Variants in RNF13 observed in about 807,000 individuals in gnomAD.
The protein encoded by RNF13 is ring finger protein 13.
In RNF13, 19 loss-of-function variants were observed where a neutral mutation model predicts 37.7. That is an observed-to-expected ratio of 0.50 (90% CI 0.35 to 0.74). RNF13 has a LOEUF of 0.74. Ranked by LOEUF, RNF13 falls within the 30% of genes least tolerant of loss-of-function variation. The pLI, the probability that RNF13 is intolerant of heterozygous loss-of-function variation, is 0.01. For synonymous variants in RNF13, 144 were observed against 157.8 expected (o/e 0.91, Z 0.65); for missense variants, 375 against 453.0 (o/e 0.83, Z 1.56).
intron 8 of RNF13, among the ~76,000 whole-genome samples, chr3:149,933,739 A>T (rs1719406667): frequency 6.6e-6 from 1 of 151,796 alleles, no homozygotes; most frequent in Non-Finnish European, 1.5e-5. Flanking sequence ...ACCCACGACC[A>T]CGCCTGGCTA....
In RNF13 at chr3:149,930,979, C is replaced by T. The variant is rs146631318; in HGVS notation, c.700+9752C>T. Among the ~76,000 whole-genome samples the T allele has an allele frequency of 4.5e-3, 689 of 152,006 alleles. 6 individuals carry two copies. The highest frequency in any genetic ancestry group is 0.016 in the African/African-American group (656 of 41,464). On this transcript the variant is annotated intron_variant, in intron 8 of 9. Coordinates refer to ENST00000392894, the MANE Select transcript of RNF13 (RefSeq NM_183381.3). ...TTTCTTGGTTCACCTAGCTAGATAT[C>T]GATTTCATTTATCTTTTCAAAGAAC...
At chr3:149,813,036 G>A (rs908069843), upstream of RNF13, 1 of 152,342 alleles carries the variant, frequency 6.6e-6, no homozygotes, top group African/African-American at 2.4e-5. Context: ...AGGGAAGACG[G>A]ATCACGCGGC....
At chr3:149,815,923 G>A (rs1332181147) in intron 1 of RNF13, among the ~76,000 whole-genome samples, 1 of 151,726 alleles carries the variant, frequency 6.6e-6, no homozygotes, top group East Asian at 1.9e-4. Flanking sequence ...TTTTTTTTGG[G>A]ACAGGGTCTT....
At chr3:149,868,701 A>C (rs2108434775) in intron 3 of RNF13, among the ~76,000 whole-genome samples, 1 of 151,006 alleles carries the variant, frequency 6.6e-6, no homozygotes, top group East Asian at 1.9e-4. Context: ...TTTTTCAATG[A>C]AAAGTCTGTT....
At chr3:149,932,358 A>G (rs1008523795) in intron 8 of RNF13, among the ~76,000 whole-genome samples, 21 of 152,132 alleles carry the variant, frequency 1.4e-4, no homozygotes, top group Non-Finnish European at 5.9e-5. Flanking sequence ...CTTGCGTAGT[A>G]CAATACAATC....
At chr3:149,892,013 GATTTA>G (rs1464475420) in intron 4 of RNF13, among the ~76,000 whole-genome samples, 3 of 152,056 alleles carry the variant, frequency 2.0e-5, no homozygotes, top group South Asian at 4.1e-4. Flanking sequence ...TGTGTTCTTT[GATTTA>G]ATTTCATTTC....
At chr3:149,905,989 C>A (rs148799496) in intron 6 of RNF13, among the ~76,000 whole-genome samples, 1 of 152,250 alleles carries the variant, frequency 6.6e-6, no homozygotes, top group East Asian at 1.9e-4. Context: ...TTCCTATTCC[C>A]CAGTCCTTCT....
intron 6 of RNF13, among the ~76,000 whole-genome samples, chr3:149,907,562 G>T (rs950208349): frequency 1.3e-5 from 2 of 152,192 alleles, no homozygotes; most frequent in Non-Finnish European, 2.9e-5. Context: ...TGGAGTAAGA[G>T]CTGTGTGGAT....
In RNF13 at chr3:149,911,980, G is replaced by T. The variant is rs1717039887; in HGVS notation, c.503G>T (p.Gly168Val). ...TATTGATTTTTGTTTTCTTCTAGGGGCCACCTTATCTTAGTTCCAGAATTT... is the reference window on the plus strand; with the variant it reads ...TATTGATTTTTGTTTTCTTCTAGGGTCCACCTTATCTTAGTTCCAGAATTT... ...LKDEFTYEKG[G>V]HLILVPEFSL... The change falls in exon 7 of 10, where the codon GGC becomes GTC. Residue 168 changes from glycine to valine, a missense_variant and splice_region_variant. Coordinates refer to ENST00000392894, the MANE Select transcript of RNF13 (RefSeq NM_183381.3). 4 of 1,520,386 alleles carry T rather than the reference G, an allele frequency of 2.6e-6. No homozygotes were observed. Among genetic ancestry groups the T allele is most frequent in the Non-Finnish European group, 3.6e-6 (4 of 1,098,850 alleles). The allele number at this position is 1,520,386 out of a possible 1,614,324, so 94.2% of individuals were successfully genotyped here.
At chr3:149,822,377 A>G (rs1720070277) in intron 1 of RNF13, 1 of 152,060 alleles carries the variant, frequency 6.6e-6, no homozygotes, top group Non-Finnish European at 1.5e-5. Context: ...TATTGTATTC[A>G]TTTGGATACT....
At chr3:149,905,256 A>G (rs1487033706) in intron 6 of RNF13, among the ~76,000 whole-genome samples, 1 of 152,188 alleles carries the variant, frequency 6.6e-6, no homozygotes, top group East Asian at 1.9e-4. Context: ...AGTTGTTGTC[A>G]GATTTGCTTA....
intron 6 of RNF13, among the ~76,000 whole-genome samples, chr3:149,903,755 A>G (rs1716088535): frequency 6.6e-6 from 1 of 152,200 alleles, no homozygotes; most frequent in Non-Finnish European, 1.5e-5. Context: ...CCCATAATCA[A>G]ACAAATTAAT....
intron 4 of RNF13, among the ~76,000 whole-genome samples, chr3:149,888,056 A>G (rs761633883): frequency 6.6e-6 from 1 of 152,224 alleles, no homozygotes; most frequent in African/African-American, 2.4e-5. Flanking sequence ...GTGAGTAAGC[A>G]CTTAAAATAC....
chr3:149,931,370 C>T (rs1221776292), intron 8 of RNF13, among the ~76,000 whole-genome samples: 2 of 152,070 alleles, frequency 1.3e-5, no homozygotes, highest in African/African-American at 4.8e-5. Context: ...GCCTGATTTT[C>T]TGCTTTTACT....
chr3:149,901,211 C>G (rs185747461), intron 5 of RNF13, among the ~76,000 whole-genome samples: 503 of 152,162 alleles, frequency 3.3e-3, no homozygotes, highest in Admixed American at 5.8e-3. Flanking sequence ...TGCCTCCCCC[C>G]CTTTTAAATG....
At position 149,892,079 on chromosome 3, in the gene RNF13, C is replaced by T. The variant is rs565099800; in HGVS notation, c.322-3394C>T. On this transcript the variant is annotated intron_variant, in intron 4 of 9. Transcript: ENST00000392894. ...ACAACAAAAACCTTGGGAAAGCCTT[C>T]ATACTTGCTACATTTTTGAAAACAT... Among the ~76,000 whole-genome samples the T allele has an allele frequency of 6.6e-5, 10 of 152,268 alleles. No individual in the cohort carries two copies. The South Asian group carries it at 2.1e-3, about 31-fold the overall frequency.
intron 4 of RNF13, among the ~76,000 whole-genome samples, chr3:149,884,932 G>A (rs542275781): frequency 2.0e-5 from 3 of 151,588 alleles, no homozygotes; most frequent in South Asian, 4.2e-4. Context: ...ATCTCCATGA[G>A]TTCAATTGTT....
chr3:149,893,586 A>G (rs1366576346), intron 4 of RNF13, among the ~76,000 whole-genome samples: 1 of 152,346 alleles, frequency 6.6e-6, no homozygotes, highest in East Asian at 1.9e-4. Flanking sequence ...CTGTACTGCC[A>G]TGGTAATATA....
At chr3:149,916,309 A>G (rs576706242) in intron 7 of RNF13, among the ~76,000 whole-genome samples, 10 of 152,334 alleles carry the variant, frequency 6.6e-5, no homozygotes, top group African/African-American at 2.2e-4. Context: ...TTTAAAGAGA[A>G]TTTCTACTAT....
Sources: gnomAD v4.1 joint callset for allele counts (sites outside exome capture counted in the v4.1 genomes callset) on GRCh38, gnomAD v4.1.1 for gene constraint, MANE v1.5 for transcripts, NCBI Gene and HGNC (gene_info 2026-07-23, HGNC 2026-07-21) for gene names.